Variants in FAM83B observed in about 807,000 individuals in gnomAD.
The protein encoded by FAM83B is scaffolding CK1 anchoring protein B, also known as protein FAM83B.
FAM83B carries 26 observed loss-of-function variants against 38.8 expected under a neutral mutation model. The ratio of observed to expected loss-of-function variants is 0.67; its 90% confidence interval spans 0.49 to 0.93. FAM83B has a LOEUF of 0.93. Among genes scored for constraint, FAM83B ranks in the 40% least tolerant of loss-of-function variants. The pLI, the probability that FAM83B is intolerant of heterozygous loss-of-function variation, is 0.00. For synonymous variants in FAM83B, 419 were observed against 423.1 expected, an observed-to-expected ratio of 0.99 and a Z score of 0.12; for missense variants, 1,237 against 1,197.3, an observed-to-expected ratio of 1.03 and a Z score of -0.49.
chr6:54,903,970 T>C (rs1301114989), intron 2 of FAM83B, among the ~76,000 whole-genome samples: 1 of 151,836 alleles, frequency 6.6e-6, no homozygotes, highest in Non-Finnish European at 1.5e-5. Context: ...CCCTTATCCA[T>C]TATGGCTGGG....
At position 54,940,890 on chromosome 6, in the gene FAM83B, A is replaced by T; in HGVS notation, c.1919A>T (p.Lys640Ile). 1.9e-6 allele frequency: 3 copies of T among 1,613,536 alleles called. No homozygotes were observed. The highest frequency in any genetic ancestry group is 2.5e-6 in the Non-Finnish European group (3 of 1,179,860). ...ACTGAATCAAATAACTATATATATA[A>T]AACCTTGGGTGTAAATAAGCAGACA... ...GHTESNNYIY[K>I]TLGVNKQTEN... The change falls in exon 5 of 5, where the codon AAA (lysine) becomes ATA (isoleucine). Residue 640 changes from lysine to isoleucine, a missense_variant. Lys to Ile is a moderately radical substitution (Grantham distance 102). Coordinates refer to ENST00000306858, the MANE Select transcript of FAM83B (RefSeq NM_001010872.3).
chr6:54,885,340 T>C (rs1375217432), intron 2 of FAM83B, among the ~76,000 whole-genome samples: 1 of 152,100 alleles, frequency 6.6e-6, no homozygotes, highest in East Asian at 1.9e-4. Context: ...AGGCCTCACA[T>C]ATCATTTGTT....
chr6:54,870,375 C>G lies in FAM83B; in HGVS notation c.129C>G (p.Tyr43Ter). The G allele has an allele frequency of 6.2e-7, 1 of 1,613,938 alleles. No homozygotes were observed. The highest frequency in any genetic ancestry group is 8.5e-7 in the Non-Finnish European group (1 of 1,179,962). ...DILIEHGLEA[Y>*]QEFLVQERVS... ...TGATTGAACACGGGTTAGAAGCATA[C>G]CAAGAATTTCTTGTCCAGGAACGAG... Residue 43 changes from tyrosine to a stop codon, truncating the protein, a stop_gained, in exon 2 of 5, where the codon TAC becomes TAG. Coordinates refer to ENST00000306858, the MANE Select transcript of FAM83B (RefSeq NM_001010872.3). LOFTEE classifies it high-confidence loss of function.
rs137867610 is a variant in FAM83B, at chr6:54,916,651, A to G, written c.445-9720A>G. The stretch of plus-strand genomic sequence containing the variant: ...AACAAGAGGAGCTAATAGGATGTTT[A>G]AAACGCATCTGGCTCAGATGCCATT... On this transcript the variant is annotated intron_variant, in intron 2 of 4. Transcript: ENST00000306858. Among the ~76,000 whole-genome samples, 11 of 152,284 alleles carry G rather than the reference A, an allele frequency of 7.2e-5. No homozygotes were observed. In the East Asian group the frequency reaches 2.1e-3, roughly 29 times the overall value.
chr6:54,933,709 C>T (rs2127590202), intron 4 of FAM83B, among the ~76,000 whole-genome samples: 1 of 152,206 alleles, frequency 6.6e-6, no homozygotes. Context: ...ACCTCTCGTT[C>T]CTTTGGTGTC....
At chr6:54,927,747 AAAAAAAAG>A (rs1772645565) in intron 4 of FAM83B, 115 bp downstream of exon 4, 5 of 968,210 alleles carry the variant, frequency 5.2e-6, no homozygotes, top group South Asian at 3.3e-5. Flanking sequence ...AAAAAAAAAA[AAAAAAAAG>A]AGAACACTTG....
rs1044472128 is a variant in FAM83B at position 54,943,883 on chromosome 6, T to G, written c.*1876T>G. The G allele has an allele frequency of 1.3e-5, 2 of 152,214 alleles. No homozygotes were observed. Among genetic ancestry groups the G allele is most frequent in the African/African-American group, 4.8e-5 (2 of 41,448 alleles). 9.4% of individuals were successfully genotyped at this position (152,214 alleles called of 1,614,324 possible). The stretch of plus-strand genomic sequence containing the variant: ...TACAACCAAAAGCCTGTTGCCTTTT[T>G]GTACAGAAATCTCCTTAATTTCAGG... On this transcript the variant is annotated 3_prime_UTR_variant, in exon 5 of 5. Coordinates refer to ENST00000306858, the MANE Select transcript of FAM83B (RefSeq NM_001010872.3).
Position 54,941,520 on chromosome 6 carries a change from CAGTT to C in FAM83B, c.2552_2555del (p.Val851AlafsTer6), listed in dbSNP as rs1561933938. On this transcript the variant is annotated frameshift_variant, in exon 5 of 5. Transcript: ENST00000306858. LOFTEE classifies it low-confidence loss of function (END_TRUNC). ...ATCCACAAGAGTAAGGAAGATGTAA[CAGTT>C]AGCCCATCTCAAGAGATAAATGCTC... The C allele has an allele frequency of 1.9e-6, 3 of 1,614,020 alleles. No individual in the cohort carries two copies. Among genetic ancestry groups the C allele is most frequent in the Admixed American group, 1.7e-5 (1 of 59,974 alleles).
rs754773197 is a variant in FAM83B at position 54,941,621 on chromosome 6, G to A, written c.2650G>A (p.Ala884Thr). ...ESKFLERAGD[A>T]SAPRFNTEQI... is the part of the protein sequence containing the mutation. ...CAAGTTCTTGGAAAGGGCAGGAGAT[G>A]CCTCTGCCCCAAGATTTAACACTGA... Residue 884 changes from alanine to threonine, a missense_variant, in exon 5 of 5, where the codon GCC (alanine) becomes ACC (threonine). By Grantham distance (58) the Ala-to-Thr change is moderately conservative. Coordinates refer to ENST00000306858, the MANE Select transcript of FAM83B (RefSeq NM_001010872.3). The A allele has an allele frequency of 2.5e-5, 40 of 1,613,986 alleles. No homozygotes were observed. Among genetic ancestry groups the A allele is most frequent in the Non-Finnish European group, 3.4e-5 (40 of 1,180,024 alleles).
At chr6:54,882,097 C>G (rs961031769) in intron 2 of FAM83B, among the ~76,000 whole-genome samples, 3 of 152,142 alleles carry the variant, frequency 2.0e-5, no homozygotes, top group African/African-American at 7.2e-5. Context: ...ATGAACTCAT[C>G]CTTTTTTATG....
intron 2 of FAM83B, among the ~76,000 whole-genome samples, chr6:54,911,986 G>T (rs1426017807): frequency 6.6e-6 from 1 of 151,862 alleles, no homozygotes. Flanking sequence ...TTAATGTACT[G>T]CTCCAAGATA....
chr6:54,932,795 G>T (rs1275289389), intron 4 of FAM83B, among the ~76,000 whole-genome samples: 2 of 152,060 alleles, frequency 1.3e-5, no homozygotes, highest in Admixed American at 1.3e-4. Flanking sequence ...CTTCATTGTA[G>T]CCTGCAAACT....
chr6:54,910,376 A>G (rs1353096421), intron 2 of FAM83B, among the ~76,000 whole-genome samples: 1 of 152,108 alleles, frequency 6.6e-6, no homozygotes, highest in Non-Finnish European at 1.5e-5. Context: ...TCATTGTTCT[A>G]CATCCTTTAG....
chr6:54,847,251 G>T (rs889814587), intron 1 of FAM83B, among the ~76,000 whole-genome samples: 1 of 152,016 alleles, frequency 6.6e-6, no homozygotes, highest in Admixed American at 6.5e-5. Flanking sequence ...GGAAGTCCAG[G>T]GTGGAAGCAG....
At chr6:54,928,975 T>C (rs577816159) in intron 4 of FAM83B, among the ~76,000 whole-genome samples, 1 of 152,280 alleles carries the variant, frequency 6.6e-6, no homozygotes, top group Non-Finnish European at 1.5e-5. Context: ...TCTTTCTGTC[T>C]ATATCAGAAG....
chr6:54,869,141 A>G (rs1014213581), intron 1 of FAM83B, among the ~76,000 whole-genome samples: 1 of 152,190 alleles, frequency 6.6e-6, no homozygotes, highest in Non-Finnish European at 1.5e-5. Flanking sequence ...GTGAGCCTGC[A>G]TAGGCAGATT....
chr6:54,914,635 A>T (rs192472127), intron 2 of FAM83B, among the ~76,000 whole-genome samples: 182 of 152,272 alleles, frequency 1.2e-3, no homozygotes, highest in Non-Finnish European at 5.4e-4. Flanking sequence ...AAACATTTGT[A>T]AAAAATGTCA....
chr6:54,854,200 G>A (rs1226895182), intron 1 of FAM83B, among the ~76,000 whole-genome samples: 1 of 152,160 alleles, frequency 6.6e-6, no homozygotes, highest in Non-Finnish European at 1.5e-5. Flanking sequence ...TACTCTCTTG[G>A]TGAAGGTGCT....
intron 2 of FAM83B, 65 bp downstream of exon 2, chr6:54,870,755 C>T: frequency 1.5e-6 from 2 of 1,378,702 alleles, no homozygotes; most frequent in Non-Finnish European, 2.0e-6. Context: ...AGAGTAATAA[C>T]ACAAATATGT....
Sources: gnomAD v4.1 joint callset for allele counts (sites outside exome capture counted in the v4.1 genomes callset) on GRCh38, gnomAD v4.1.1 for gene constraint, MANE v1.5 for transcripts, NCBI Gene and HGNC (gene_info 2026-07-23, HGNC 2026-07-21) for gene names.